The following PPP1R15B variants were observed in gnomAD, a reference collection of about 807,000 sequenced individuals.
PPP1R15B encodes the protein protein phosphatase 1 regulatory subunit 15B.
Under a neutral mutation model 53.9 loss-of-function variants are expected in PPP1R15B, and 31 were observed. The observed-to-expected ratio is 0.58, with a 90% CI of 0.43 to 0.78. The LOEUF is 0.78. Among genes scored for constraint, PPP1R15B ranks in the 30% least tolerant of loss-of-function variants. The pLI is 0.00. For synonymous variants in PPP1R15B, 345 were observed against 329.1 expected, an observed-to-expected ratio of 1.05 and a Z score of -0.52; for missense variants, 928 against 849.6, an observed-to-expected ratio of 1.09 and a Z score of -1.15.
chr1:204,400,617 C>T (rs1232087955), downstream of PPP1R15B: 10 of 368,624 alleles, frequency 2.7e-5, no homozygotes, highest in African/African-American at 4.3e-5. Context: ...TGAGCCACCA[C>T]CCCTGGCCAA....
In PPP1R15B at chr1:204,406,111, T is replaced by G. The variant is rs1345605405; in HGVS notation, c.2123A>C (p.Asn708Thr). 4 of 1,614,116 alleles carry G rather than the reference T, an allele frequency of 2.5e-6. No homozygotes were observed. The Admixed American group carries it at 5.0e-5, about 20-fold the overall frequency. ...GCCAACTCAACATTGCTTGAGAACA[T>G]TAAGTCCTTTGAAGCATGTTCCCTG... is the stretch of plus-strand genomic sequence containing the variant. ...RLQGTCFKGL[N>T]VLKQC Residue 708 changes from asparagine (N) to threonine (T), a missense_variant, in exon 2 of 2, where the codon AAT becomes ACT. Asn to Thr is a moderately conservative substitution (Grantham distance 65). Transcript: ENST00000367188.
downstream of PPP1R15B, among the ~76,000 whole-genome samples, chr1:204,399,300 C>T (rs887031002): frequency 6.6e-6 from 1 of 152,256 alleles, no homozygotes. Flanking sequence ...TGGTGGCTCA[C>T]GCCTATAATC....
At position 204,405,236 on chromosome 1, in the gene PPP1R15B, A is replaced by G. The variant is rs1246065572; in HGVS notation, c.*856T>C. 4 of 979,042 alleles carry G rather than the reference A, an allele frequency of 4.1e-6. No homozygotes were observed. The highest frequency in any genetic ancestry group is 1.2e-6 in the Non-Finnish European group (1 of 823,804). 60.6% of individuals were successfully genotyped at this position (979,042 alleles called of 1,614,324 possible). On this transcript the variant is annotated 3_prime_UTR_variant, in exon 2 of 2. Transcript: ENST00000367188. ...TTCTAGGCTTTTAAGTTTAAAAAAT[A>G]AATGATTATGATGTAATTATTACTT...
In PPP1R15B at chr1:204,403,760, TG is replaced by T; in HGVS notation, c.*2331del. 1 of 985,704 alleles carries T rather than the reference TG, an allele frequency of 1.0e-6. No homozygotes were observed. The highest frequency in any genetic ancestry group is 1.1e-4 in the East Asian group (1 of 8,820). The allele number at this position is 985,704 out of a possible 1,614,324, so 61.1% of individuals were successfully genotyped here. ...CTTTAAGATTACGGGGGTTTAACTT[TG>T]TTCTAACTAGAATTGGGATGAAACA... On this transcript the variant is annotated 3_prime_UTR_variant, in exon 2 of 2. Transcript: ENST00000367188.
Position 204,406,029 on chromosome 1 carries a change from T to G in PPP1R15B, c.*63A>C. 1 of 1,553,008 alleles carries G rather than the reference T, an allele frequency of 6.4e-7. No individual in the cohort carries two copies. The highest frequency in any genetic ancestry group is 8.7e-7 in the Non-Finnish European group (1 of 1,150,818). On this transcript the variant is annotated 3_prime_UTR_variant, in exon 2 of 2. Transcript: ENST00000367188. ...GTCAAAGGACAGCTGCCAAGATTTG[T>G]TTTTAAAAGACACCTCTCAGGTAAG...
Position 204,410,794 on chromosome 1 carries a change from C to T in PPP1R15B, c.618G>A (p.Gly206=), listed in dbSNP as rs779915558. Residue 206 remains glycine, a synonymous_variant, in exon 1 of 2, where the codon GGG becomes GGA. Coordinates refer to ENST00000367188, the MANE Select transcript of PPP1R15B (RefSeq NM_032833.5). The part of the protein sequence containing the change: ...SNRELGSSPS[G]PLNIQRIDNF... ...TGTCTATGCGTTGAATGTTTAGAGG[C>T]CCAGAGGGCGAAGAGCCAAGTTCCC... is the stretch of plus-strand genomic sequence containing the variant. 6.2e-7 allele frequency: 1 copy of T among 1,614,202 alleles called. No homozygotes were observed. The highest frequency in any genetic ancestry group is 8.5e-7 in the Non-Finnish European group (1 of 1,180,042).
rs1380815623 is a variant in PPP1R15B, at chr1:204,411,054, C to T, written c.358G>A (p.Ala120Thr). ...TGCAGCGAACTCAAAGATTTCTGCG[C>T]TGTGGGGGCGGCTGGTTTCTCCCGT... ...KGREKPAAPT[A>T]QKSLSSLQLD... is the part of the protein sequence containing the mutation. Residue 120 changes from alanine to threonine, a missense_variant, in exon 1 of 2, where the codon GCG (alanine) becomes ACG (threonine). By Grantham distance (58) the Ala-to-Thr change is moderately conservative. Coordinates refer to ENST00000367188, the MANE Select transcript of PPP1R15B (RefSeq NM_032833.5). The T allele has an allele frequency of 6.2e-7, 1 of 1,614,208 alleles. No homozygotes were observed. The highest frequency in any genetic ancestry group is 1.7e-5 in the Admixed American group (1 of 60,030).
Position 204,411,421 on chromosome 1 carries a change from C to T in PPP1R15B, c.-10G>A. ...CTGTCCCCGGCTCCATCTCCTTTTT[C>T]TTGACAGTCTCTCAGGTAGGGCCGC... On this transcript the variant is annotated 5_prime_UTR_variant, in exon 1 of 2. Transcript: ENST00000367188. The T allele has an allele frequency of 6.2e-7, 1 of 1,608,486 alleles. No individual in the cohort carries two copies. The highest frequency in any genetic ancestry group is 8.5e-7 in the Non-Finnish European group (1 of 1,178,702).
chr1:204,405,410 AGTAG>A lies in PPP1R15B; in HGVS notation c.*678_*681del. The A allele has an allele frequency of 2.0e-6, 2 of 985,302 alleles. No homozygotes were observed. The highest frequency in any genetic ancestry group is 2.4e-6 in the Non-Finnish European group (2 of 829,828). The allele number at this position is 985,302 out of a possible 1,614,324, so 61.0% of individuals were successfully genotyped here. A position where few individuals can be genotyped will look rare whatever the true frequency, so the allele number is the denominator to read the frequency against. ...TGGTAGAAAGATGCAGCTTTCCCAAAGTAGTAAAGTACTGCACATATGGGTTTTG... is the reference window on the plus strand; with the variant it reads ...TGGTAGAAAGATGCAGCTTTCCCAAATAAAGTACTGCACATATGGGTTTTG... On this transcript the variant is annotated 3_prime_UTR_variant, in exon 2 of 2. Coordinates refer to ENST00000367188, the MANE Select transcript of PPP1R15B (RefSeq NM_032833.5).
In PPP1R15B at chr1:204,404,130, T is replaced by C. The variant is rs1050422198; in HGVS notation, c.*1962A>G. ...AATGACGCCTGCTTTCCAACCGACA[T>C]TGCTGTTGCTTGAAACTAGCCTGTT... On this transcript the variant is annotated 3_prime_UTR_variant, in exon 2 of 2. Coordinates refer to ENST00000367188, the MANE Select transcript of PPP1R15B (RefSeq NM_032833.5). 8.1e-6 allele frequency: 8 copies of C among 985,298 alleles called. No homozygotes were observed. Among genetic ancestry groups the C allele is most frequent in the Non-Finnish European group, 8.4e-6 (7 of 829,936 alleles). 61.0% of individuals were successfully genotyped at this position (985,298 alleles called of 1,614,324 possible).
chr1:204,400,781 G>C (rs190114819), downstream of PPP1R15B: 1,254 of 946,118 alleles, frequency 1.3e-3, 28 homozygotes, highest in Admixed American at 0.052. Flanking sequence ...CCTTCTTCTT[G>C]GTAGGGATCT....
downstream of PPP1R15B, among the ~76,000 whole-genome samples, chr1:204,396,769 ATAAGT>A (rs1223363807): frequency 1.3e-5 from 2 of 152,220 alleles, no homozygotes; most frequent in Non-Finnish European, 2.9e-5. Flanking sequence ...TTATACTTTA[ATAAGT>A]TAATAAAAAA....
Position 204,411,270 on chromosome 1 carries a change from G to C in PPP1R15B, c.142C>G (p.Pro48Ala). 1 of 1,614,240 alleles carries C rather than the reference G, an allele frequency of 6.2e-7. No homozygotes were observed. Residue 48 changes from proline to alanine, a missense_variant, in exon 1 of 2, where the codon CCC becomes GCC. Coordinates refer to ENST00000367188, the MANE Select transcript of PPP1R15B (RefSeq NM_032833.5). Reference sequence around the variant, plus strand: ...GGCTGGGCAGAGGAAAGCAGTGTGGGGTTCCCGGAGTTTTCCGGGCCAAGA... The same window carrying C: ...GGCTGGGCAGAGGAAAGCAGTGTGGCGTTCCCGGAGTTTTCCGGGCCAAGA... ...TPLGPENSGN[P>A]TLLSSAQPET...
chr1:204,397,160 C>G (rs2103437436), downstream of PPP1R15B, among the ~76,000 whole-genome samples: 1 of 151,962 alleles, frequency 6.6e-6, no homozygotes, highest in Non-Finnish European at 1.5e-5. Flanking sequence ...TGCACTCCAG[C>G]TTGGCAACAG....
At position 204,404,537 on chromosome 1, in the gene PPP1R15B, T is replaced by G. The variant is rs535129013; in HGVS notation, c.*1555A>C. 6.1e-6 allele frequency: 6 copies of G among 985,678 alleles called. No individual in the cohort carries two copies. The East Asian group carries it at 6.8e-4, about 112-fold the overall frequency. 61.1% of individuals were successfully genotyped at this position (985,678 alleles called of 1,614,324 possible). A position where few individuals can be genotyped will look rare whatever the true frequency, so the allele number is the denominator to read the frequency against. On this transcript the variant is annotated 3_prime_UTR_variant, in exon 2 of 2. Coordinates refer to ENST00000367188, the MANE Select transcript of PPP1R15B (RefSeq NM_032833.5). Reference sequence around the variant, plus strand: ...CACAGAATAAGGGCTCTGCAAAAATTTGACCAGCTTTTATAGTGTTGCATT... The same window carrying G: ...CACAGAATAAGGGCTCTGCAAAAATGTGACCAGCTTTTATAGTGTTGCATT...
Position 204,405,387 on chromosome 1 carries a change from G to A in PPP1R15B, c.*705C>T. The A allele has an allele frequency of 1.0e-6, 1 of 985,240 alleles. No individual in the cohort carries two copies. The highest frequency in any genetic ancestry group is 1.2e-6 in the Non-Finnish European group (1 of 829,788). The allele number at this position is 985,240 out of a possible 1,614,324, so 61.0% of individuals were successfully genotyped here. A position where few individuals can be genotyped will look rare whatever the true frequency, so the allele number is the denominator to read the frequency against. Reference sequence around the variant, plus strand: ...TAAATATATTAGATGTTAAAATGTGGTAGAAAGATGCAGCTTTCCCAAAGT... The same window carrying A: ...TAAATATATTAGATGTTAAAATGTGATAGAAAGATGCAGCTTTCCCAAAGT... On this transcript the variant is annotated 3_prime_UTR_variant, in exon 2 of 2. Coordinates refer to ENST00000367188, the MANE Select transcript of PPP1R15B (RefSeq NM_032833.5).
chr1:204,402,320 G>A (rs1394302635), downstream of PPP1R15B, among the ~76,000 whole-genome samples: 1 of 151,992 alleles, frequency 6.6e-6, no homozygotes, highest in Non-Finnish European at 1.5e-5. Flanking sequence ...TAACCCAAAT[G>A]CTTTCTTTTT....
In PPP1R15B at chr1:204,405,682, A is replaced by G. The variant is rs114453171; in HGVS notation, c.*410T>C. 1.9e-3 allele frequency: 1,868 copies of G among 985,166 alleles called. 22 individuals carry two copies. In the African/African-American group the frequency reaches 0.028, roughly 15 times the overall value. The allele number at this position is 985,166 out of a possible 1,614,324, so 61.0% of individuals were successfully genotyped here. ...TCTGAATTTTGGGAAAGAAACAAGA[A>G]AGAGCCCAAAGTTTTCAGATAGGCA... On this transcript the variant is annotated 3_prime_UTR_variant, in exon 2 of 2. Coordinates refer to ENST00000367188, the MANE Select transcript of PPP1R15B (RefSeq NM_032833.5).
Position 204,409,892 on chromosome 1 carries a change from G to T in PPP1R15B, c.1520C>A (p.Pro507His), listed in dbSNP as rs769899515. 3.1e-6 allele frequency: 5 copies of T among 1,614,068 alleles called. No homozygotes were observed. The highest frequency in any genetic ancestry group is 4.2e-6 in the Non-Finnish European group (5 of 1,179,996). Residue 507 changes from proline to histidine, a missense_variant, in exon 1 of 2, where the codon CCT (proline) becomes CAT (histidine). Pro to His is a moderately conservative substitution (Grantham distance 77, BLOSUM62 -2). Transcript: ENST00000367188. ...AGACAAATCCTTCTCTGAATCAGAA[G>T]GCTCTTCAGGAACAATTCTGGCAGC... ...QTAARIVPEE[P>H]SDSEKDLSGK...
Sources: allele counts gnomAD v4.1 joint callset (sites outside exome capture counted in the v4.1 genomes callset), GRCh38; gene constraint gnomAD v4.1.1; transcripts MANE v1.5; gene names NCBI Gene and HGNC (gene_info 2026-07-23, HGNC 2026-07-21).